The following RRAS2 variants were observed in gnomAD, a reference collection of about 807,000 sequenced individuals.
RRAS2 encodes the protein RAS related 2, also known as ras-related protein R-Ras2.
RRAS2 carries 7 observed loss-of-function variants against 27.6 expected under a neutral mutation model. That is an observed-to-expected ratio of 0.25 (90% CI 0.14 to 0.48). The LOEUF (loss-of-function observed/expected upper bound fraction) is 0.48, where lower values mean the gene tolerates loss of function less well. RRAS2 is among the 20% of genes least tolerant of loss of function. The pLI is 0.99. For missense variants in RRAS2, 178 were observed against 256.2 expected, an observed-to-expected ratio of 0.69 and a Z score of 2.08; for synonymous variants, 86 against 90.9, an observed-to-expected ratio of 0.95 and a Z score of 0.31.
chr11:14,358,095 C>G lies in RRAS2; in HGVS notation c.108+668G>C. ...GGCACGGCGAGAAGCAGGACGGCAT[C>G]AGGAATTCCTAGGAAATGGTCTCAC... is the stretch of plus-strand genomic sequence containing the variant. On this transcript the variant is annotated intron_variant, in intron 1 of 5. Transcript: ENST00000256196. The surrounding 1 kb of genome is among the most constrained non-coding windows in gnomAD (Gnocchi z 5.1). 1 of 488,562 alleles carries G rather than the reference C, an allele frequency of 2.0e-6. No individual in the cohort carries two copies. The allele number at this position is 488,562 out of a possible 1,614,324, so 30.3% of individuals were successfully genotyped here.
At chr11:14,360,913 C>CA (rs78581800), upstream of RRAS2, among the ~76,000 whole-genome samples, 890 of 94,370 alleles carry the variant, frequency 9.4e-3, 6 homozygotes, top group African/African-American at 0.021. Context: ...AATGCGGGCT[C>CA]AAAAAAAAAA....
chr11:14,350,219 T>C (rs1200949226), intron 1 of RRAS2, among the ~76,000 whole-genome samples: 1 of 152,206 alleles, frequency 6.6e-6, no homozygotes, highest in Non-Finnish European at 1.5e-5. Context: ...GTTTGTGCGA[T>C]TCCTCCAAAT....
intron 1 of RRAS2, among the ~76,000 whole-genome samples, chr11:14,316,458 G>A (rs781804721): frequency 5.9e-5 from 9 of 152,170 alleles, no homozygotes; most frequent in Non-Finnish European, 1.3e-4. Flanking sequence ...ATCCTGATGA[G>A]GCCAGGTACA....
intron 1 of RRAS2, among the ~76,000 whole-genome samples, chr11:14,353,305 A>G (rs782780007): frequency 5.5e-4 from 83 of 152,128 alleles, no homozygotes; most frequent in Non-Finnish European, 2.1e-4. Context: ...AGTATTCTTG[A>G]CCTACTCAAC....
chr11:14,311,734 T>TAATA (rs1847973018), intron 1 of RRAS2, among the ~76,000 whole-genome samples: 1 of 152,198 alleles, frequency 6.6e-6, no homozygotes, highest in African/African-American at 2.4e-5. Flanking sequence ...ATTTCAATAA[T>TAATA]ATATTTTAAA....
chr11:14,363,735 C>T (rs968446991), upstream of RRAS2, among the ~76,000 whole-genome samples: 7 of 151,826 alleles, frequency 4.6e-5, no homozygotes, highest in South Asian at 1.5e-3. Flanking sequence ...CGTGCCACTG[C>T]ACTCCAGTCT....
rs1400955278 is a variant in RRAS2 at position 14,355,158 on chromosome 11, T to TA, written c.108+3604dup. On this transcript the variant is annotated intron_variant, in intron 1 of 5. Coordinates refer to ENST00000256196, the MANE Select transcript of RRAS2 (RefSeq NM_012250.6). ...CTAAACACACAGCTAGTTAAATGAA[T>TA]AAAAAAAAAAAAACACTCCTAGAAT... 2.6e-3 allele frequency among the ~76,000 whole-genome samples: 344 copies of TA among 133,874 alleles called. 1 individual carries two copies. Among genetic ancestry groups the TA allele is most frequent in the African/African-American group, 5.1e-3 (185 of 36,502 alleles). The allele number at this position is 133,874 out of a possible 152,430, so 87.8% of individuals were successfully genotyped here.
intron 1 of RRAS2, among the ~76,000 whole-genome samples, chr11:14,347,287 G>T (rs1269811881): frequency 6.6e-6 from 1 of 152,074 alleles, no homozygotes; most frequent in East Asian, 1.9e-4. Context: ...AATGACAAAC[G>T]GATTAATGCC....
intron 4 of RRAS2, among the ~76,000 whole-genome samples, chr11:14,281,938 T>C (rs1849549781): frequency 1.3e-5 from 2 of 152,190 alleles, no homozygotes; most frequent in Admixed American, 6.6e-5. Flanking sequence ...CCTACAACAA[T>C]ATTTCCAAAT....
intron 1 of RRAS2, among the ~76,000 whole-genome samples, chr11:14,329,972 G>A (rs1234690376): frequency 6.6e-6 from 1 of 151,958 alleles, no homozygotes; most frequent in Admixed American, 6.6e-5. Context: ...CTCTTCAAGG[G>A]GCTGAAGCAG....
intron 4 of RRAS2, among the ~76,000 whole-genome samples, chr11:14,287,351 C>T (rs10734223): frequency 0.92 from 139,897 of 152,200 alleles, 64,348 homozygotes; most frequent in East Asian, 0.96. Flanking sequence ...ATAGGTACAT[C>T]CTTAAGTTAA....
chr11:14,328,596 A>G (rs1554951439), intron 1 of RRAS2, among the ~76,000 whole-genome samples: 1 of 152,166 alleles, frequency 6.6e-6, no homozygotes, highest in Non-Finnish European at 1.5e-5. Context: ...TATAGTATGT[A>G]AAGTAGTAAA....
chr11:14,331,334 A>G (rs1371802086), intron 1 of RRAS2, among the ~76,000 whole-genome samples: 1 of 152,220 alleles, frequency 6.6e-6, no homozygotes, highest in Non-Finnish European at 1.5e-5. Context: ...ATATCACAGT[A>G]ATGGCTTAAC....
chr11:14,281,493 A>T, intron 5 of RRAS2, 109 bp downstream of exon 5: 2 of 753,990 alleles, frequency 2.7e-6, no homozygotes, highest in Non-Finnish European at 4.1e-6. Context: ...ATTGTAATGC[A>T]CCATGTGCAT....
At chr11:14,289,405 T>C (rs1849750822) in intron 4 of RRAS2, among the ~76,000 whole-genome samples, 1 of 152,208 alleles carries the variant, frequency 6.6e-6, no homozygotes, top group Non-Finnish European at 1.5e-5. Context: ...ATCAGATATA[T>C]CATGAAATTC....
intron 1 of RRAS2, chr11:14,354,546 G>A (rs1298484163): frequency 6.6e-6 from 1 of 152,034 alleles, no homozygotes; most frequent in African/African-American, 2.4e-5. Flanking sequence ...GAAGGAGAGG[G>A]CAATGAAGAC....
intron 1 of RRAS2, among the ~76,000 whole-genome samples, chr11:14,313,913 T>A (rs1554949199): frequency 6.6e-6 from 1 of 152,198 alleles, no homozygotes; most frequent in African/African-American, 2.4e-5. Context: ...TCTAAAATAG[T>A]CATTTGTTTA....
intron 1 of RRAS2, among the ~76,000 whole-genome samples, chr11:14,340,346 C>CTGCCT (rs1848677707): frequency 6.6e-6 from 1 of 151,932 alleles, no homozygotes; most frequent in South Asian, 2.1e-4. Context: ...AGTGATCCAG[C>CTGCCT]TGCCTCGGCC....
Position 14,280,726 on chromosome 11 carries a change from C to CAAAAAAAAAAAAAAA in RRAS2, c.527+861_527+875dup, listed in dbSNP as rs58781581. Among the ~76,000 whole-genome samples the CAAAAAAAAAAAAAAA allele has an allele frequency of 2.5e-4, 12 of 48,330 alleles. 1 individual carries two copies. The highest frequency in any genetic ancestry group is 2.2e-3 in the South Asian group (2 of 906). 31.7% of individuals were successfully genotyped at this position (48,330 alleles called of 152,430 possible). On this transcript the variant is annotated intron_variant, in intron 5 of 5. Transcript: ENST00000256196. ...GGGTGACAAAGAGAAACTCTGTTTC[C>CAAAAAAAAAAAAAAA]AAAAAAAAAAAAAAAAAAAAAAAAA...
Sources: allele counts gnomAD v4.1 joint callset (sites outside exome capture counted in the v4.1 genomes callset), GRCh38; gene constraint gnomAD v4.1.1; non-coding constraint Gnocchi (gnomAD v3.1); transcripts MANE v1.5; gene names NCBI Gene and HGNC (gene_info 2026-07-23, HGNC 2026-07-21).